Variants in P4HA1 observed in about 807,000 individuals in gnomAD.
P4HA1 encodes prolyl 4-hydroxylase subunit alpha 1, also known as prolyl 4-hydroxylase subunit alpha-1.
Under a neutral mutation model 72.8 loss-of-function variants are expected in P4HA1, and 24 were observed. The ratio of observed to expected loss-of-function variants is 0.33; its 90% confidence interval spans 0.24 to 0.46. The LOEUF (loss-of-function observed/expected upper bound fraction) is 0.46. Among genes scored for constraint, P4HA1 ranks in the 20% least tolerant of loss-of-function variants. The pLI is 1.00. For synonymous variants in P4HA1, 201 were observed against 218.8 expected (o/e 0.92, Z 0.72); for missense variants, 446 against 640.6 (o/e 0.70, Z 3.28).
Position 73,008,172 on chromosome 10 carries a change from T to C in P4HA1, c.*50A>G. The C allele has an allele frequency of 1.8e-6, 2 of 1,104,268 alleles. No homozygotes were observed. The highest frequency in any genetic ancestry group is 2.8e-6 in the Non-Finnish European group (2 of 721,584). 68.4% of individuals were successfully genotyped at this position (1,104,268 alleles called of 1,614,324 possible). A position where few individuals can be genotyped will look rare whatever the true frequency, so the allele number is the denominator to read the frequency against. On this transcript the variant is annotated 3_prime_UTR_variant, in exon 15 of 15. Coordinates refer to ENST00000394890, the MANE Select transcript of P4HA1 (RefSeq NM_001017962.3). ...GAAAGTTAAGACTAGGAAATGTGTATATCAGACACATAAGAGTACAACAAT... is the reference window on the plus strand; with the variant it reads ...GAAAGTTAAGACTAGGAAATGTGTACATCAGACACATAAGAGTACAACAAT...
At chr10:73,067,910 T>C (rs1468029462) in intron 5 of P4HA1, among the ~76,000 whole-genome samples, 1 of 152,208 alleles carries the variant, frequency 6.6e-6, no homozygotes, top group Non-Finnish European at 1.5e-5. Context: ...TTGTTCATTA[T>C]GTGTCCCCAG....
At chr10:73,042,330 G>A (rs918925364) in intron 9 of P4HA1, among the ~76,000 whole-genome samples, 1 of 152,134 alleles carries the variant, frequency 6.6e-6, no homozygotes, top group Non-Finnish European at 1.5e-5. Context: ...AGGAAATGCT[G>A]AATCAACACA....
At chr10:73,063,363 A>T (rs952102062) in intron 5 of P4HA1, among the ~76,000 whole-genome samples, 2 of 152,168 alleles carry the variant, frequency 1.3e-5, no homozygotes, top group Non-Finnish European at 2.9e-5. Flanking sequence ...GGCTGCATAA[A>T]GCCTCTTTCA....
At chr10:73,093,915 C>CAT (rs1440147321) in intron 1 of P4HA1, among the ~76,000 whole-genome samples, 1,888 of 105,460 alleles carry the variant, frequency 0.018, 72 homozygotes, top group African/African-American at 0.058. Flanking sequence ...TATACACACA[C>CAT]ACACACACAC....
chr10:73,061,628 A>G (rs1841316403), intron 5 of P4HA1, among the ~76,000 whole-genome samples: 1 of 152,126 alleles, frequency 6.6e-6, no homozygotes, highest in South Asian at 2.1e-4. Context: ...AGCTGGGCGC[A>G]GGTGACTTAT....
At chr10:73,080,809 T>C (rs1201692703) in intron 1 of P4HA1, among the ~76,000 whole-genome samples, 1 of 152,120 alleles carries the variant, frequency 6.6e-6, no homozygotes, top group Non-Finnish European at 1.5e-5. Flanking sequence ...ACACCTGTAG[T>C]CCCAGCTACT....
chr10:73,050,526 C>T (rs1270513434), intron 7 of P4HA1, among the ~76,000 whole-genome samples: 1 of 151,658 alleles, frequency 6.6e-6, no homozygotes, highest in African/African-American at 2.4e-5. Context: ...ATGGTGAAAC[C>T]CCATCTCTAC....
At chr10:73,069,236 G>A (rs1430735225) in intron 4 of P4HA1, among the ~76,000 whole-genome samples, 1 of 152,090 alleles carries the variant, frequency 6.6e-6, no homozygotes, top group Admixed American at 6.5e-5. Flanking sequence ...GTATTAGCAG[G>A]TAAAGATCAC....
intron 11 of P4HA1, among the ~76,000 whole-genome samples, chr10:73,015,184 A>G (rs1839987030): frequency 6.6e-6 from 1 of 152,032 alleles, no homozygotes; most frequent in South Asian, 2.1e-4. Flanking sequence ...CACTATAATC[A>G]AGCTAAAGAA....
Position 73,027,594 on chromosome 10 carries a change from T to TAA in P4HA1, c.1248+2675_1248+2676dup, listed in dbSNP as rs1330768195. On this transcript the variant is annotated intron_variant, in intron 10 of 14. Coordinates refer to ENST00000394890, the MANE Select transcript of P4HA1 (RefSeq NM_001017962.3). Reference sequence around the variant, plus strand: ...CACATGTACCCTAGAACTTAAAGTATAAAAAAAAAAAAAGGGAAGGAAGGA... The same window carrying TAA: ...CACATGTACCCTAGAACTTAAAGTATAAAAAAAAAAAAAAAGGGAAGGAAGGA... Among the ~76,000 whole-genome samples the TAA allele has an allele frequency of 1.7e-4, 14 of 84,042 alleles. No homozygotes were observed. The East Asian group carries it at 1.8e-3, about 11-fold the overall frequency. 55.1% of individuals were successfully genotyped at this position (84,042 alleles called of 152,430 possible).
intron 10 of P4HA1, among the ~76,000 whole-genome samples, chr10:73,027,146 C>T (rs1840293282): frequency 6.6e-6 from 1 of 152,152 alleles, no homozygotes; most frequent in Non-Finnish European, 1.5e-5. Context: ...GACACATATA[C>T]ACGTATGTTT....
intron 5 of P4HA1, among the ~76,000 whole-genome samples, chr10:73,056,621 A>G (rs1200735128): frequency 1.3e-5 from 2 of 151,604 alleles, no homozygotes; most frequent in Non-Finnish European, 2.9e-5. Flanking sequence ...AACAACAATG[A>G]AACTCCATCA....
At chr10:73,014,148 A>G in intron 12 of P4HA1, 76 bp downstream of exon 12, 1 of 996,586 alleles carries the variant, frequency 1.0e-6, no homozygotes, top group Non-Finnish European at 1.6e-6. Flanking sequence ...AGAGCTACAC[A>G]GAACAAACTT....
chr10:73,058,600 T>C (rs540387876), intron 5 of P4HA1, among the ~76,000 whole-genome samples: 3 of 152,118 alleles, frequency 2.0e-5, no homozygotes, highest in African/African-American at 4.8e-5. Flanking sequence ...CATCTCTAAG[T>C]TTCCCAATAA....
chr10:73,044,030 T>C (rs1840797387), intron 9 of P4HA1: 3 of 1,123,264 alleles, frequency 2.7e-6, no homozygotes, highest in African/African-American at 3.1e-5. Flanking sequence ...TGTTTTGTTT[T>C]GCCAAGCCAC....
chr10:73,023,243 A>G (rs1424689134), intron 10 of P4HA1, among the ~76,000 whole-genome samples: 1 of 152,208 alleles, frequency 6.6e-6, no homozygotes, highest in Non-Finnish European at 1.5e-5. Flanking sequence ...GGGCAGCCAG[A>G]GAGAAAGGTC....
chr10:73,015,510 C>T (rs146358165), intron 11 of P4HA1, among the ~76,000 whole-genome samples: 48 of 152,324 alleles, frequency 3.2e-4, no homozygotes, highest in African/African-American at 1.1e-3. Context: ...CCCTATCATA[C>T]ACACTATGCC....
intron 10 of P4HA1, among the ~76,000 whole-genome samples, chr10:73,029,642 GTT>G (rs770544011): frequency 6.8e-6 from 1 of 146,034 alleles, no homozygotes; most frequent in Non-Finnish European, 1.5e-5. Flanking sequence ...CCTATGCTTA[GTT>G]TTTTTTTTTT....
rs1198993866 is a variant in P4HA1 at position 73,037,557 on chromosome 10, ATATATATATATATAT to A, written c.1149-7202_1149-7188del. On this transcript the variant is annotated intron_variant, in intron 9 of 14. Coordinates refer to ENST00000394890, the MANE Select transcript of P4HA1 (RefSeq NM_001017962.3). The stretch of plus-strand genomic sequence containing the variant: ...TATATATATATATATATATATATAT[ATATATATATATATAT>A]TTTTTTTTTTTTTTTTTTACAAAGG... Among the ~76,000 whole-genome samples the A allele has an allele frequency of 7.8e-3, 256 of 32,666 alleles. 10 individuals carry two copies. The highest frequency in any genetic ancestry group is 0.014 in the African/African-American group (103 of 7,554). 21.4% of individuals were successfully genotyped at this position (32,666 alleles called of 152,430 possible).
Sources: allele counts gnomAD v4.1 joint callset (sites outside exome capture counted in the v4.1 genomes callset), GRCh38; gene constraint gnomAD v4.1.1; transcripts MANE v1.5; gene names NCBI Gene and HGNC (gene_info 2026-07-23, HGNC 2026-07-21).